The following HEG1 variants were observed in gnomAD, a reference collection of about 807,000 sequenced individuals.
The protein encoded by HEG1 is protein HEG homolog 1.
Under a neutral mutation model 125.6 loss-of-function variants are expected in HEG1, and 56 were observed. That is an observed-to-expected ratio of 0.45 (90% CI 0.36 to 0.56). HEG1 has a LOEUF of 0.56. HEG1 is among the 20% of genes least tolerant of loss of function. HEG1 has a pLI of 0.00. For synonymous variants in HEG1, 644 were observed against 668.5 expected (o/e 0.96, Z 0.57); for missense variants, 1,523 against 1,670.0 (o/e 0.91, Z 1.53).
chr3:125,028,747 C>T (rs905971196), intron 2 of HEG1, among the ~76,000 whole-genome samples: 5 of 152,146 alleles, frequency 3.3e-5, no homozygotes, highest in African/African-American at 9.7e-5. Flanking sequence ...TCTCTTCCTC[C>T]GTGCAATTTT....
intron 9 of HEG1, among the ~76,000 whole-genome samples, chr3:125,004,978 C>T (rs1249319131): frequency 6.6e-6 from 1 of 152,208 alleles, no homozygotes. Context: ...CTGCTGATGC[C>T]TGTCATCAGC....
intron 1 of HEG1, among the ~76,000 whole-genome samples, chr3:125,055,332 A>G (rs1331038875): frequency 6.6e-6 from 1 of 152,072 alleles, no homozygotes; most frequent in African/African-American, 2.4e-5. Flanking sequence ...AGGGTACCCC[A>G]TAGGAAATAA....
At chr3:124,987,730 C>T (rs1390295243) in intron 14 of HEG1, among the ~76,000 whole-genome samples, 4 of 150,822 alleles carry the variant, frequency 2.7e-5, no homozygotes, top group African/African-American at 9.7e-5. Context: ...CCGTGTTAGC[C>T]AGGACGGTCT....
intron 6 of HEG1, among the ~76,000 whole-genome samples, chr3:125,010,793 C>CTGAT (rs1937147337): frequency 6.6e-6 from 1 of 152,194 alleles, no homozygotes; most frequent in South Asian, 2.1e-4. Flanking sequence ...AATGCAAGAA[C>CTGAT]TGATTGTAAT....
chr3:125,037,162 T>C (rs557883069), intron 1 of HEG1, among the ~76,000 whole-genome samples: 80 of 152,352 alleles, frequency 5.3e-4, no homozygotes, highest in African/African-American at 1.9e-3. Context: ...CACTATACTG[T>C]CAAATGCAAA....
intron 11 of HEG1, among the ~76,000 whole-genome samples, chr3:124,998,443 C>A (rs1936956176): frequency 6.6e-6 from 1 of 152,186 alleles, no homozygotes; most frequent in Non-Finnish European, 1.5e-5. Flanking sequence ...TAGTGTAATT[C>A]TGCTTATCAG....
chr3:125,007,076 G>GAA (rs1937081359), intron 8 of HEG1, among the ~76,000 whole-genome samples: 1 of 150,554 alleles, frequency 6.6e-6, no homozygotes, highest in Non-Finnish European at 1.5e-5. Context: ...GCGGGCGCCT[G>GAA]TAGTCCCAGC....
At chr3:124,984,946 A>G (rs899690367) in intron 14 of HEG1, among the ~76,000 whole-genome samples, 2 of 152,228 alleles carry the variant, frequency 1.3e-5, no homozygotes, top group African/African-American at 4.8e-5. Flanking sequence ...ACGTAACATT[A>G]TAAAATTACG....
Position 125,027,399 on chromosome 3 carries a change from A to C in HEG1, c.719T>G (p.Met240Arg), listed in dbSNP as rs200001442. The change falls in exon 3 of 17, where the codon ATG becomes AGG. Residue 240 changes from methionine (M) to arginine (R), a missense_variant. By Grantham distance (91) the Met-to-Arg change is moderately conservative. Transcript: ENST00000311127. ...CACAGTCCATTCTTCTGACAGCCCC[A>C]TCGCCCTCTCTGTTCCCATCTCCGA... is the stretch of plus-strand genomic sequence containing the variant. ...TASEMGTERA[M>R]GLSEEWTVHS... 1.9e-4 allele frequency: 313 copies of C among 1,613,838 alleles called. No homozygotes were observed. The highest frequency in any genetic ancestry group is 2.6e-4 in the Non-Finnish European group (302 of 1,179,878).
intron 5 of HEG1, chr3:125,014,742 C>T (rs148209885): frequency 2.7e-5 from 35 of 1,282,614 alleles, no homozygotes; most frequent in South Asian, 1.9e-4. Flanking sequence ...GGCCAGTGAC[C>T]GTGAGACCAG....
intron 1 of HEG1, among the ~76,000 whole-genome samples, chr3:125,053,657 C>A (rs1404116355): frequency 6.6e-6 from 1 of 152,216 alleles, no homozygotes; most frequent in Admixed American, 6.5e-5. Flanking sequence ...GGGATTCTCA[C>A]ATGTATTCCT....
intron 15 of HEG1, among the ~76,000 whole-genome samples, chr3:124,975,558 G>A (rs7618441): frequency 0.35 from 53,691 of 151,964 alleles, 10,379 homozygotes; most frequent in African/African-American, 0.51. Context: ...CATATCATGC[G>A]ATTCACTCAT....
chr3:125,013,642 G>A lies in HEG1; in HGVS notation c.1937C>T (p.Ser646Leu), dbSNP rs1451588305. 20 of 1,611,294 alleles carry A rather than the reference G, an allele frequency of 1.2e-5. No individual in the cohort carries two copies. The highest frequency in any genetic ancestry group is 2.7e-5 in the African/African-American group (2 of 74,594). Residue 646 changes from serine to leucine, a missense_variant, in exon 6 of 17, where the codon TCG (serine) becomes TTG (leucine). Physicochemically the swap from Ser to Leu is moderately radical, Grantham distance 145 (BLOSUM62 -2). Coordinates refer to ENST00000311127, the MANE Select transcript of HEG1 (RefSeq NM_020733.2). ...YTPTINMPNT[S>L]VVLDTDAEFV... ...CTCAGCATCAGTGTCCAGAACAACCGAAGTGTTCGGCATATTAATGGTGGG... is the reference window on the plus strand; with the variant it reads ...CTCAGCATCAGTGTCCAGAACAACCAAAGTGTTCGGCATATTAATGGTGGG...
chr3:124,969,175 C>T lies in HEG1; in HGVS notation c.*1477G>A, dbSNP rs896603696. ...TTCAGGGTGGAGACAATTCTTTTACCTCTGTATTCCCCTCACTTCATCCAA... is the reference window on the plus strand; with the variant it reads ...TTCAGGGTGGAGACAATTCTTTTACTTCTGTATTCCCCTCACTTCATCCAA... On this transcript the variant is annotated 3_prime_UTR_variant, in exon 17 of 17. Coordinates refer to ENST00000311127, the MANE Select transcript of HEG1 (RefSeq NM_020733.2). 2 of 152,172 alleles carry T rather than the reference C, an allele frequency of 1.3e-5. No homozygotes were observed. Among genetic ancestry groups the T allele is most frequent in the East Asian group, 1.9e-4 (1 of 5,176 alleles). The allele number at this position is 152,172 out of a possible 1,614,324, so 9.4% of individuals were successfully genotyped here.
chr3:125,011,785 C>T (rs1433759901), intron 6 of HEG1, among the ~76,000 whole-genome samples: 1 of 152,206 alleles, frequency 6.6e-6, no homozygotes, highest in Non-Finnish European at 1.5e-5. Context: ...GTTTCCATTT[C>T]ACTCCTCCAA....
In HEG1 at chr3:125,019,211, G is replaced by A. The variant is rs1017475190; in HGVS notation, c.1588+51C>T. The A allele has an allele frequency of 1.7e-5, 24 of 1,440,828 alleles. No individual in the cohort carries two copies. The African/African-American group carries it at 1.7e-4, about 10-fold the overall frequency. 89.3% of individuals were successfully genotyped at this position (1,440,828 alleles called of 1,614,324 possible). A position where few individuals can be genotyped will look rare whatever the true frequency, so the allele number is the denominator to read the frequency against. On this transcript the variant is annotated intron_variant, in intron 5 of 16. Coordinates refer to ENST00000311127, the MANE Select transcript of HEG1 (RefSeq NM_020733.2). Reference sequence around the variant, plus strand: ...ACGCCACAGATTTCATAAGCATCATGAGTCCCTCTCTCCTCTATGGGGCAC... The same window carrying A: ...ACGCCACAGATTTCATAAGCATCATAAGTCCCTCTCTCCTCTATGGGGCAC...
chr3:124,993,915 G>A (rs967163346), intron 12 of HEG1, among the ~76,000 whole-genome samples: 7 of 152,200 alleles, frequency 4.6e-5, no homozygotes, highest in African/African-American at 7.2e-5. Flanking sequence ...ATTCCGTTAC[G>A]CATCAGTGGT....
chr3:124,977,926 C>T lies in HEG1; in HGVS notation c.3754G>A (p.Val1252Met), dbSNP rs1488290628. 3 of 1,578,160 alleles carry T rather than the reference C, an allele frequency of 1.9e-6. No homozygotes were observed. The highest frequency in any genetic ancestry group is 1.7e-6 in the Non-Finnish European group (2 of 1,161,928). ...CGNPYQLITV[V>M]IAAAGGGLLL... ...AGCCCACCTCCCGCGGCTGCGATCACCACAGTGATAAGCTGATAGGCTAAA... is the reference window on the plus strand; with the variant it reads ...AGCCCACCTCCCGCGGCTGCGATCATCACAGTGATAAGCTGATAGGCTAAA... Residue 1252 changes from valine to methionine, a missense_variant, in exon 15 of 17, where the codon GTG (valine) becomes ATG (methionine). By Grantham distance (21) the Val-to-Met change is conservative. Transcript: ENST00000311127.
chr3:124,999,635 C>T (rs952413825), intron 11 of HEG1, among the ~76,000 whole-genome samples: 1 of 152,274 alleles, frequency 6.6e-6, no homozygotes, highest in African/African-American at 2.4e-5. Flanking sequence ...GCATGGGACA[C>T]AGGCCCTGCC....
Sources: allele counts gnomAD v4.1 joint callset (sites outside exome capture counted in the v4.1 genomes callset), GRCh38; gene constraint gnomAD v4.1.1; transcripts MANE v1.5; gene names NCBI Gene and HGNC (gene_info 2026-07-23, HGNC 2026-07-21).